CEP164: variants seen among roughly 807,000 people sequenced by gnomAD.
The protein encoded by CEP164 is centrosomal protein 164.
A neutral mutation model predicts 182.7 loss-of-function variants in CEP164; 162 were observed. The observed-to-expected ratio is 0.89, with a 90% CI of 0.78 to 1.01. CEP164 has a LOEUF of 1.01. CEP164 is among the 50% of genes least tolerant of loss of function. The pLI, the probability that CEP164 is intolerant of heterozygous loss-of-function variation, is 0.00. For synonymous variants in CEP164, 661 were observed against 690.0 expected (o/e 0.96, Z 0.66); for missense variants, 1,735 against 1,790.4 (o/e 0.97, Z 0.56).
intron 8 of CEP164, among the ~76,000 whole-genome samples, chr11:117,370,852 A>G (rs543114590): frequency 4.6e-5 from 7 of 152,084 alleles, no homozygotes; most frequent in Non-Finnish European, 8.8e-5. Context: ...CAGAGGTTGC[A>G]GTGAGCTGAG....
intron 22 of CEP164, 27 bp downstream of exon 22, chr11:117,395,030 C>T: frequency 6.2e-7 from 1 of 1,613,272 alleles, no homozygotes; most frequent in Non-Finnish European, 8.5e-7. Flanking sequence ...AGTCCTTGAC[C>T]TCAGAGTCAT....
upstream of CEP164, among the ~76,000 whole-genome samples, chr11:117,326,355 C>T (rs1399119599): frequency 6.6e-6 from 1 of 152,136 alleles, no homozygotes; most frequent in African/African-American, 2.4e-5. Context: ...GCCTCAGCCT[C>T]CTGAGCAGCT....
chr11:117,343,394 T>TA (rs939515331), intron 3 of CEP164, among the ~76,000 whole-genome samples: 1 of 152,238 alleles, frequency 6.6e-6, no homozygotes, highest in African/African-American at 2.4e-5. Context: ...ACCTGGGTTG[T>TA]ACTCTAATTG....
At chr11:117,326,985 C>G (rs141827012), upstream of CEP164, among the ~76,000 whole-genome samples, 255 of 152,310 alleles carry the variant, frequency 1.7e-3, 9 homozygotes, top group South Asian at 0.039. Context: ...TAAAACTCTT[C>G]GGAATTATAT....
intron 10 of CEP164, 134 bp from the exon 11 acceptor site, chr11:117,375,574 G>T (rs2042656120): frequency 1.5e-6 from 1 of 680,140 alleles, no homozygotes; most frequent in Non-Finnish European, 2.7e-6. Flanking sequence ...ATTAGTAGAT[G>T]TTGAAATGTT....
chr11:117,403,079 G>T (rs1225261037), intron 27 of CEP164, among the ~76,000 whole-genome samples: 2 of 152,172 alleles, frequency 1.3e-5, no homozygotes, highest in Non-Finnish European at 2.9e-5. Context: ...CACGAGGTGG[G>T]TCTCCTGAAT....
upstream of CEP164, among the ~76,000 whole-genome samples, chr11:117,324,259 C>A (rs575534443): frequency 2.1e-4 from 32 of 152,064 alleles, no homozygotes; most frequent in African/African-American, 7.7e-4. Flanking sequence ...CCAGCCTGGC[C>A]AACATGATGA....
chr11:117,357,722 T>G (rs145172609), intron 5 of CEP164, among the ~76,000 whole-genome samples: 2 of 151,604 alleles, frequency 1.3e-5, no homozygotes, highest in African/African-American at 4.9e-5. Context: ...GTGCCTGGGC[T>G]GAGAGCTAAT....
chr11:117,336,630 A>G (rs2037166008), intron 2 of CEP164: 1 of 1,182,826 alleles, frequency 8.5e-7, no homozygotes, highest in South Asian at 1.2e-5. Flanking sequence ...GGGATTCCAC[A>G]TGTTTAGGTG....
At chr11:117,398,301 T>C (rs2045730213) in intron 27 of CEP164, among the ~76,000 whole-genome samples, 1 of 152,226 alleles carries the variant, frequency 6.6e-6, no homozygotes, top group Non-Finnish European at 1.5e-5. Flanking sequence ...GGTACAGCAA[T>C]GCAGCCAGAA....
At chr11:117,337,073 A>C (rs1470968559) in intron 2 of CEP164, among the ~76,000 whole-genome samples, 1 of 152,138 alleles carries the variant, frequency 6.6e-6, no homozygotes, top group Non-Finnish European at 1.5e-5. Flanking sequence ...CCTTGGATTC[A>C]AGCTGGACTT....
At position 117,396,577 on chromosome 11, in the gene CEP164, C is replaced by T; in HGVS notation, c.3244C>T (p.Leu1082Phe). The T allele has an allele frequency of 6.2e-7, 1 of 1,613,816 alleles. No homozygotes were observed. The highest frequency in any genetic ancestry group is 8.5e-7 in the Non-Finnish European group (1 of 1,179,680). The change falls in exon 26 of 33, where the codon CTC becomes TTC. Residue 1082 changes from leucine (L) to phenylalanine (F), a missense_variant. Leu to Phe is a conservative substitution (Grantham distance 22). Coordinates refer to ENST00000278935, the MANE Select transcript of CEP164 (RefSeq NM_014956.5). Reference sequence around the variant, plus strand: ...CCAGACCAAAGAGGTGTCTTCTTCTCTCTCCCAGAGCAAGGAGGACTTATA... The same window carrying T: ...CCAGACCAAAGAGGTGTCTTCTTCTTTCTCCCAGAGCAAGGAGGACTTATA... ...TNQTKEVSSSLSQSKEDLYLD... is the reference protein window; with the variant it reads ...TNQTKEVSSSFSQSKEDLYLD...
chr11:117,322,547 T>C lies in CEP164; in HGVS notation c.-98+7819T>C, dbSNP rs1002400783. Among the ~76,000 whole-genome samples, 6 of 152,042 alleles carry C rather than the reference T, an allele frequency of 3.9e-5. No homozygotes were observed. The East Asian group carries it at 1.2e-3, about 29-fold the overall frequency. On this transcript the variant is annotated intron_variant, in intron 1 of 4. Transcript: ENST00000525734. ...TGTGCAATAGGATACCAGAATTTATTCCTCCTTTTCCTTTTTCTTTTTTTT... is the reference window on the plus strand; with the variant it reads ...TGTGCAATAGGATACCAGAATTTATCCCTCCTTTTCCTTTTTCTTTTTTTT...
chr11:117,376,067 T>G (rs997179066), intron 11 of CEP164, among the ~76,000 whole-genome samples: 1 of 152,318 alleles, frequency 6.6e-6, no homozygotes, highest in South Asian at 2.1e-4. Context: ...TGCAAAGCGC[T>G]GTGTAGATTG....
chr11:117,403,523 G>A (rs1452401044), intron 27 of CEP164, among the ~76,000 whole-genome samples: 1 of 152,222 alleles, frequency 6.6e-6, no homozygotes, highest in Non-Finnish European at 1.5e-5. Flanking sequence ...AGAGAGATCT[G>A]CTGTTAGTCT....
At chr11:117,327,550 C>A (rs1369128086), upstream of CEP164, among the ~76,000 whole-genome samples, 1 of 151,514 alleles carries the variant, frequency 6.6e-6, no homozygotes, top group Non-Finnish European at 1.5e-5. Context: ...GACCCACCCG[C>A]CTCGGCCTCC....
chr11:117,394,312 G>A lies in CEP164; in HGVS notation c.2617-38G>A, dbSNP rs776610194. The A allele has an allele frequency of 1.2e-5, 18 of 1,562,770 alleles. No homozygotes were observed. The highest frequency in any genetic ancestry group is 1.9e-5 in the Admixed American group (1 of 51,604). The stretch of plus-strand genomic sequence containing the variant: ...TGTGATTTTTGTGGTAGAAGGGGCT[G>A]CCGCAGCTTCCCACCGGTGGGCCCA... On this transcript the variant is annotated intron_variant, in intron 20 of 32. Transcript: ENST00000278935. The surrounding 1 kb of genome is among the most constrained non-coding windows in gnomAD (Gnocchi z 4.0).
chr11:117,360,980 G>A (rs1447632431), intron 5 of CEP164, among the ~76,000 whole-genome samples: 1 of 149,284 alleles, frequency 6.7e-6, no homozygotes, highest in African/African-American at 2.5e-5. Flanking sequence ...TGTCGCTCAG[G>A]CTGGAGTGCA....
intron 7 of CEP164, 94 bp downstream of exon 7, chr11:117,362,632 C>A: frequency 1.4e-6 from 2 of 1,429,918 alleles, no homozygotes; most frequent in South Asian, 1.4e-5. Context: ...AAATATGTAA[C>A]ATAAAATTTG....
Sources: gnomAD v4.1 joint callset for allele counts (sites outside exome capture counted in the v4.1 genomes callset) on GRCh38, gnomAD v4.1.1 for gene constraint, Gnocchi (gnomAD v3.1) non-coding constraint, MANE v1.5 for transcripts, NCBI Gene and HGNC (gene_info 2026-07-23, HGNC 2026-07-21) for gene names.